HMGN5: variants seen among roughly 807,000 people sequenced by gnomAD.
HMGN5 encodes high mobility group nucleosome-binding domain-containing protein 5.
A neutral mutation model predicts 9.5 loss-of-function variants in HMGN5; 4 were observed. That is an observed-to-expected ratio of 0.42 (90% CI 0.21 to 0.96). The LOEUF is 0.96. HMGN5 is among the 40% of genes least tolerant of loss of function. The probability of loss-of-function intolerance (pLI) is 0.30; values close to 1 mark genes in which losing one functional copy is unlikely to be tolerated. For synonymous variants in HMGN5, 55 were observed against 57.1 expected, an observed-to-expected ratio of 0.96 and a Z score of 0.16; for missense variants, 192 against 187.5, an observed-to-expected ratio of 1.02 and a Z score of -0.14.
chrX:81,126,851 C>A (rs979089318), intron 1 of HMGN5, among the ~76,000 whole-genome samples: 1 of 111,378 alleles, frequency 9.0e-6, no homozygotes, highest in Non-Finnish European at 1.9e-5. Flanking sequence ...TATTCAACAA[C>A]AAAAAAATTA....
At chrX:81,134,191 T>A (rs1419078493) in intron 1 of HMGN5, among the ~76,000 whole-genome samples, 1 of 111,473 alleles carries the variant, frequency 9.0e-6, no homozygotes, top group African/African-American at 3.2e-5. Context: ...TTAGAAATCA[T>A]GCTATGTACT....
intron 1 of HMGN5, among the ~76,000 whole-genome samples, chrX:81,194,027 T>C (rs1271344871): frequency 8.9e-6 from 1 of 111,774 alleles, no homozygotes; most frequent in Non-Finnish European, 1.9e-5. Context: ...CACGCATGTA[T>C]AATCATTTGA....
At chrX:81,152,696 G>A (rs1310205805) in intron 1 of HMGN5, among the ~76,000 whole-genome samples, 242 of 108,982 alleles carry the variant, frequency 2.2e-3, no homozygotes, top group Non-Finnish European at 3.2e-3. Flanking sequence ...ACATGCACAC[G>A]TATGTTTATT....
chrX:81,130,160 G>A (rs1396222930), intron 1 of HMGN5, among the ~76,000 whole-genome samples: 3 of 111,130 alleles, frequency 2.7e-5, no homozygotes, highest in East Asian at 2.8e-4. Context: ...AGTCTGGAAG[G>A]TAATGATCAT....
intron 1 of HMGN5, among the ~76,000 whole-genome samples, chrX:81,128,581 A>T (rs1027111673): frequency 1.8e-5 from 2 of 111,362 alleles, no homozygotes; most frequent in African/African-American, 6.5e-5. Flanking sequence ...GTTCTAGTTT[A>T]CTTCTAAATT....
At chrX:81,120,708 A>G (rs1465066765) in intron 2 of HMGN5, among the ~76,000 whole-genome samples, 1 of 111,598 alleles carries the variant, frequency 9.0e-6, no homozygotes, top group Non-Finnish European at 1.9e-5. Context: ...CTTCTAGGGG[A>G]CTAAGAAAAA....
At chrX:81,118,207 T>C (rs1479389836) in intron 5 of HMGN5, among the ~76,000 whole-genome samples, 1 of 110,999 alleles carries the variant, frequency 9.0e-6, no homozygotes, top group African/African-American at 3.3e-5. Flanking sequence ...CCAACTGAAA[T>C]TGTTTTGTCT....
At chrX:81,125,619 G>A (rs763783638) in intron 1 of HMGN5, among the ~76,000 whole-genome samples, 4 of 111,853 alleles carry the variant, frequency 3.6e-5, no homozygotes, top group Non-Finnish European at 5.6e-5. Context: ...AGTGGTAAAA[G>A]TAAATTGAGC....
At chrX:81,131,868 A>G (rs1203248782) in intron 1 of HMGN5, among the ~76,000 whole-genome samples, 1 of 111,212 alleles carries the variant, frequency 9.0e-6, no homozygotes, top group African/African-American at 3.3e-5. Context: ...GGCCAAGGCA[A>G]TCAGGCAAGA....
chrX:81,171,820 C>A (rs191129782), intron 1 of HMGN5, among the ~76,000 whole-genome samples: 2 of 111,108 alleles, frequency 1.8e-5, no homozygotes, highest in African/African-American at 6.5e-5. Context: ...GGTTCAGGGT[C>A]ATTGTACATA....
At chrX:81,125,692 A>C (rs2147542222) in intron 1 of HMGN5, among the ~76,000 whole-genome samples, 1 of 112,097 alleles carries the variant, frequency 8.9e-6, no homozygotes, top group South Asian at 3.7e-4. Context: ...ATTTCTACCG[A>C]CTTTTAAAGT....
At chrX:81,178,572 C>A (rs1013074383) in intron 1 of HMGN5, among the ~76,000 whole-genome samples, 16 of 111,155 alleles carry the variant, frequency 1.4e-4, no homozygotes, top group Non-Finnish European at 2.1e-4. Flanking sequence ...TAATTACAAC[C>A]ATAAAAAGTC....
intron 1 of HMGN5, 124 bp from the exon 2 acceptor site, chrX:81,121,796 A>T (rs1280011485): frequency 3.3e-6 from 1 of 302,007 alleles, no homozygotes; most frequent in Non-Finnish European, 5.8e-6. Flanking sequence ...GCCAATAAGA[A>T]GAGGCAGCCG....
chrX:81,175,552 C>T (rs1312266044), intron 1 of HMGN5, among the ~76,000 whole-genome samples: 1 of 111,137 alleles, frequency 9.0e-6, no homozygotes, highest in Non-Finnish European at 1.9e-5. Flanking sequence ...AAGATGAAAA[C>T]ATGTCTTCAG....
Position 81,114,974 on chromosome X carries a change from T to A in HMGN5, c.524A>T (p.Asp175Val). 3 of 1,155,135 alleles carry A rather than the reference T, an allele frequency of 2.6e-6. No individual in the cohort carries two copies. The highest frequency in any genetic ancestry group is 3.4e-6 in the Non-Finnish European group (3 of 869,946). ...TTTTCCGTCTTCACCTTTTTTTCCA[T>A]CTTCTTTCTCTTTTGCATCTTCTCC... The part of the protein sequence containing the change: ...EKGEDAKEKE[D>V]GKKGEDGKGN... Residue 175 changes from aspartate to valine, a missense_variant, in exon 7 of 7, where the codon GAT becomes GTT. Coordinates refer to ENST00000358130, the MANE Select transcript of HMGN5 (RefSeq NM_030763.3).
chrX:81,163,061 A>T (rs1328206166), intron 1 of HMGN5, among the ~76,000 whole-genome samples: 1 of 110,913 alleles, frequency 9.0e-6, no homozygotes, highest in African/African-American at 3.3e-5. Flanking sequence ...AAGCTAGTTT[A>T]CTCCATGACT....
At chrX:81,191,933 T>C (rs1275224961) in intron 1 of HMGN5, among the ~76,000 whole-genome samples, 1 of 111,419 alleles carries the variant, frequency 9.0e-6, no homozygotes, top group Non-Finnish European at 1.9e-5. Flanking sequence ...CGTCTAGCCA[T>C]GGAGGGTACC....
rs776453559 is a variant in HMGN5, at chrX:81,145,812, C to T, written c.-123-24140G>A. Among the ~76,000 whole-genome samples, 14 of 110,605 alleles carry T rather than the reference C, an allele frequency of 1.3e-4. No individual in the cohort carries two copies. In the South Asian group the frequency reaches 1.5e-3, roughly 12 times the overall value. On this transcript the variant is annotated intron_variant, in intron 1 of 6. Transcript: ENST00000358130. ...AAATAAAGGGATGGAGGAATATTTA[C>T]GAAGCAAATGGAAATTAAAAAAAAG... is the stretch of plus-strand genomic sequence containing the variant.
At chrX:81,118,203 G>A (rs2075259627) in intron 5 of HMGN5, among the ~76,000 whole-genome samples, 1 of 110,771 alleles carries the variant, frequency 9.0e-6, no homozygotes, top group South Asian at 3.7e-4. Context: ...CTATCCAACT[G>A]AAATTGTTTT....
Sources: gnomAD v4.1 joint callset for allele counts (sites outside exome capture counted in the v4.1 genomes callset) on GRCh38, gnomAD v4.1.1 for gene constraint, MANE v1.5 for transcripts, NCBI Gene and HGNC (gene_info 2026-07-23, HGNC 2026-07-21) for gene names.